The following PALLD variants were observed in gnomAD, a reference collection of about 807,000 sequenced individuals.
PALLD encodes palladin.
Under a neutral mutation model 123.5 loss-of-function variants are expected in PALLD, and 61 were observed. That is an observed-to-expected ratio of 0.49 (90% CI 0.40 to 0.61). PALLD has a LOEUF of 0.61. Ranked by LOEUF, PALLD falls within the 20% of genes least tolerant of loss-of-function variation. The pLI, the probability that PALLD is intolerant of heterozygous loss-of-function variation, is 0.00. For synonymous variants in PALLD, 465 were observed against 496.4 expected, an observed-to-expected ratio of 0.94 and a Z score of 0.84; for missense variants, 1,273 against 1,377.0, an observed-to-expected ratio of 0.92 and a Z score of 1.20.
intron 10 of PALLD, among the ~76,000 whole-genome samples, chr4:168,802,004 AGAG>A (rs1320189916): frequency 6.6e-6 from 1 of 152,254 alleles, no homozygotes. Flanking sequence ...TCCATGAAGA[AGAG>A]AACATGGAAT....
At chr4:168,526,702 A>C (rs954710559) in intron 2 of PALLD, among the ~76,000 whole-genome samples, 7 of 152,168 alleles carry the variant, frequency 4.6e-5, no homozygotes. Context: ...GAAATTACCC[A>C]AGGCTCTTAG....
intron 10 of PALLD, among the ~76,000 whole-genome samples, chr4:168,843,440 G>A (rs1325173078): frequency 6.6e-6 from 1 of 152,126 alleles, no homozygotes; most frequent in Non-Finnish European, 1.5e-5. Flanking sequence ...TTGGACATCA[G>A]GATAAACAAA....
chr4:168,710,278 T>TTTTTC (rs141300706), intron 9 of PALLD, among the ~76,000 whole-genome samples: 35 of 152,016 alleles, frequency 2.3e-4, no homozygotes, highest in Admixed American at 3.3e-4. Context: ...GCTTTTTTTC[T>TTTTTC]TTTTCTTTTC....
At chr4:168,839,378 CCTT>C (rs1338890897) in intron 10 of PALLD, among the ~76,000 whole-genome samples, 2 of 152,164 alleles carry the variant, frequency 1.3e-5, no homozygotes, top group African/African-American at 2.4e-5. Flanking sequence ...TTTCATGACT[CCTT>C]CTTGGCTGGC....
chr4:168,703,059 T>C (rs1431806175), intron 8 of PALLD, among the ~76,000 whole-genome samples: 119 of 84,030 alleles, frequency 1.4e-3, no homozygotes, highest in Non-Finnish European at 2.0e-3. Flanking sequence ...CCCTCCCCCC[T>C]CCCCCCACCC....
chr4:168,504,596 A>C (rs1434795732), intron 1 of PALLD, among the ~76,000 whole-genome samples: 5 of 57,530 alleles, frequency 8.7e-5, no homozygotes, highest in Non-Finnish European at 1.9e-4. Context: ...TCCAACTCAA[A>C]AAAAAAAAAA....
intron 17 of PALLD, among the ~76,000 whole-genome samples, chr4:168,918,138 G>C (rs1409583014): frequency 6.6e-6 from 1 of 151,178 alleles, no homozygotes; most frequent in African/African-American, 2.4e-5. Context: ...GGCAGAGGTT[G>C]CATCACTGCA....
chr4:168,927,416 G>A lies in PALLD; in HGVS notation c.*1236G>A, dbSNP rs1762700627. 8.6e-6 allele frequency: 2 copies of A among 232,824 alleles called. No individual in the cohort carries two copies. Among genetic ancestry groups the A allele is most frequent in the South Asian group, 1.8e-4 (1 of 5,534 alleles). The allele number at this position is 232,824 out of a possible 1,614,324, so 14.4% of individuals were successfully genotyped here. A position where few individuals can be genotyped will look rare whatever the true frequency, so the allele number is the denominator to read the frequency against. On this transcript the variant is annotated 3_prime_UTR_variant, in exon 22 of 22. Coordinates refer to ENST00000505667, the MANE Select transcript of PALLD (RefSeq NM_001166108.2). ...ACACATGCTGTGGAGCACACATGCT[G>A]TGGAGATTGCAGTGTGTCTGAGGTT...
rs115288180 is a variant in PALLD at position 168,803,767 on chromosome 4, A to T, written c.1965-87155A>T. On this transcript the variant is annotated intron_variant, in intron 10 of 21. Transcript: ENST00000505667. ...GGCTCTCTCATGCGCAGTAACCGTGAGGGTTTAAAGGACAGTGCCAGGGCC... is the reference window on the plus strand; with the variant it reads ...GGCTCTCTCATGCGCAGTAACCGTGTGGGTTTAAAGGACAGTGCCAGGGCC... Among the ~76,000 whole-genome samples the T allele has an allele frequency of 4.3e-3, 656 of 152,098 alleles. 5 individuals are homozygous for T. Among genetic ancestry groups the T allele is most frequent in the African/African-American group, 0.015 (634 of 41,480 alleles).
At chr4:168,803,499 A>G (rs1739665656) in intron 10 of PALLD, among the ~76,000 whole-genome samples, 1 of 152,128 alleles carries the variant, frequency 6.6e-6, no homozygotes, top group African/African-American at 2.4e-5. Context: ...AGCCTGGGCA[A>G]CATAGAAAGA....
intron 2 of PALLD, among the ~76,000 whole-genome samples, chr4:168,542,669 CTA>C (rs113445830): frequency 0.58 from 73,328 of 125,554 alleles, 22,081 homozygotes; most frequent in East Asian, 0.84. Flanking sequence ...CTCTCTCTCT[CTA>C]TATATATATA....
At chr4:168,582,280 T>C (rs921753173) in intron 2 of PALLD, among the ~76,000 whole-genome samples, 5 of 152,304 alleles carry the variant, frequency 3.3e-5, no homozygotes, top group Admixed American at 2.6e-4. Flanking sequence ...TATAGTTCAT[T>C]GTTAGTGTAC....
At chr4:168,546,201 G>A (rs1766121360) in intron 2 of PALLD, among the ~76,000 whole-genome samples, 2 of 152,216 alleles carry the variant, frequency 1.3e-5, no homozygotes, top group Middle Eastern at 3.4e-3. Flanking sequence ...CAGGAAATAT[G>A]AGAGGAAGAG....
rs140059247 is a variant in PALLD at position 168,681,632 on chromosome 4, C to T, written c.1154+234C>T. On this transcript the variant is annotated intron_variant, in intron 4 of 21. Transcript: ENST00000505667. ...GCGACATGGCTCACTGAAGCCTTGA[C>T]CTCCCAGGCTCAAGTGGTCCTCCTA... Among the ~76,000 whole-genome samples, 978 of 147,998 alleles carry T rather than the reference C, an allele frequency of 6.6e-3. 14 individuals are homozygous for T. Among genetic ancestry groups the T allele is most frequent in the African/African-American group, 0.023 (932 of 39,698 alleles).
chr4:168,575,483 C>A lies in PALLD; in HGVS notation c.908+63071C>A, dbSNP rs1380620052. 2.0e-5 allele frequency among the ~76,000 whole-genome samples: 3 copies of A among 152,062 alleles called. 1 individual carries two copies. The highest frequency in any genetic ancestry group is 6.6e-5 in the Admixed American group (1 of 15,262). ...CCGCCCCCATGATCCAATCATCTCC[C>A]TCCCTCAACATGTGGGGATTATAAT... On this transcript the variant is annotated intron_variant, in intron 2 of 21. Transcript: ENST00000505667.
chr4:168,669,345 C>T (rs1252498344), intron 3 of PALLD, among the ~76,000 whole-genome samples: 2 of 152,124 alleles, frequency 1.3e-5, no homozygotes, highest in Non-Finnish European at 2.9e-5. Flanking sequence ...GCAGGAGGAT[C>T]GCTCGAGGCC....
At chr4:168,521,664 A>C (rs1580112696) in intron 2 of PALLD, among the ~76,000 whole-genome samples, 1 of 152,180 alleles carries the variant, frequency 6.6e-6, no homozygotes, top group South Asian at 2.1e-4. Context: ...CTTTTATACT[A>C]CTAAGTATTC....
intron 2 of PALLD, among the ~76,000 whole-genome samples, chr4:168,573,662 C>T (rs1769227543): frequency 6.6e-6 from 1 of 152,046 alleles, no homozygotes; most frequent in Non-Finnish European, 1.5e-5. Flanking sequence ...GGGAAGGAAC[C>T]ATCTCAGGCT....
intron 10 of PALLD, among the ~76,000 whole-genome samples, chr4:168,798,547 A>T (rs191948680): frequency 1.3e-5 from 2 of 152,322 alleles, no homozygotes; most frequent in Admixed American, 1.3e-4. Context: ...ATAGATAAAG[A>T]TACAGATTTG....
Sources: gnomAD v4.1 joint callset for allele counts (sites outside exome capture counted in the v4.1 genomes callset) on GRCh38, gnomAD v4.1.1 for gene constraint, MANE v1.5 for transcripts, NCBI Gene and HGNC (gene_info 2026-07-23, HGNC 2026-07-21) for gene names.